Variants in PTPRN2 observed in about 807,000 individuals in gnomAD.
The protein encoded by PTPRN2 is protein tyrosine phosphatase receptor type N2.
Under a neutral mutation model 118.8 loss-of-function variants are expected in PTPRN2, and 74 were observed. The observed-to-expected ratio is 0.62, with a 90% CI of 0.52 to 0.76. The LOEUF (loss-of-function observed/expected upper bound fraction) is 0.76, where lower values mean the gene tolerates loss of function less well. PTPRN2 is among the 30% of genes least tolerant of loss of function. PTPRN2 has a pLI of 0.00. For synonymous variants in PTPRN2, 641 were observed against 608.0 expected (o/e 1.05, Z -0.80); for missense variants, 1,481 against 1,394.4 (o/e 1.06, Z -0.99).
At chr7:158,332,053 G>A (rs1399578941) in intron 2 of PTPRN2, among the ~76,000 whole-genome samples, 1 of 147,566 alleles carries the variant, frequency 6.8e-6, no homozygotes, top group African/African-American at 2.6e-5. Flanking sequence ...ACGATAAGAG[G>A]TGACATCTGC....
intron 17 of PTPRN2, among the ~76,000 whole-genome samples, chr7:157,580,176 C>A (rs1800269937): frequency 6.6e-6 from 1 of 152,154 alleles, no homozygotes; most frequent in South Asian, 2.1e-4. Context: ...AATGTGACCT[C>A]ATTTGGATAC....
At chr7:157,605,460 C>T (rs1319207134) in intron 15 of PTPRN2, among the ~76,000 whole-genome samples, 1 of 152,242 alleles carries the variant, frequency 6.6e-6, no homozygotes, top group East Asian at 1.9e-4. Flanking sequence ...TCCTTCTCTT[C>T]ACCCACAGTG....
At chr7:158,074,375 G>A (rs1281925907) in intron 11 of PTPRN2, among the ~76,000 whole-genome samples, 1 of 152,186 alleles carries the variant, frequency 6.6e-6, no homozygotes, top group East Asian at 1.9e-4. Context: ...GATTCACTGT[G>A]TTTCTAACAG....
At position 158,541,747 on chromosome 7, in the gene PTPRN2, C is replaced by T. The variant is rs1057432244; in HGVS notation, c.112+45811G>A. On this transcript the variant is annotated intron_variant, in intron 1 of 22. Coordinates refer to ENST00000389418, the MANE Select transcript of PTPRN2 (RefSeq NM_002847.5). ...GCTTAAAGCTTGCCGCAGCTCAGAA[C>T]CCAAAAGGGCTGCGGACGCATAAAA... 8.4e-6 allele frequency: 10 copies of T among 1,196,746 alleles called. No homozygotes were observed. The African/African-American group carries it at 1.3e-4, about 15-fold the overall frequency. 74.1% of individuals were successfully genotyped at this position (1,196,746 alleles called of 1,614,324 possible).
chr7:157,858,178 C>CCCG (rs1809911735), intron 12 of PTPRN2, among the ~76,000 whole-genome samples: 2 of 22,672 alleles, frequency 8.8e-5, no homozygotes, highest in African/African-American at 4.6e-4. Context: ...CAGGGAGAGC[C>CCCG]TCCCAGCCAC....
At chr7:157,631,323 G>A (rs1394131601) in intron 14 of PTPRN2, among the ~76,000 whole-genome samples, 13 of 152,246 alleles carry the variant, frequency 8.5e-5, no homozygotes, top group African/African-American at 2.2e-4. Flanking sequence ...GGAACAAAGC[G>A]TAGAAGGGGA....
intron 12 of PTPRN2, among the ~76,000 whole-genome samples, chr7:157,835,290 G>C (rs1410685293): frequency 1.3e-5 from 2 of 152,128 alleles, no homozygotes; most frequent in South Asian, 2.1e-4. Flanking sequence ...GGGAAAAACA[G>C]GGTGTCATAA....
At chr7:158,089,619 G>A (rs1417408148) in intron 10 of PTPRN2, among the ~76,000 whole-genome samples, 6 of 124,450 alleles carry the variant, frequency 4.8e-5, no homozygotes, top group Admixed American at 7.8e-5. Flanking sequence ...TGATGAAAGA[G>A]GGAGTCTTCA....
At chr7:158,013,496 C>G (rs1184847256) in intron 11 of PTPRN2, among the ~76,000 whole-genome samples, 1 of 151,856 alleles carries the variant, frequency 6.6e-6, no homozygotes, top group Non-Finnish European at 1.5e-5. Context: ...ATCTATCCAT[C>G]CTCCAATTCA....
rs1563205636 is a variant in PTPRN2 at position 158,366,084 on chromosome 7, CACACACACACA to C, written c.164-49163_164-49153del. ...CAATGCACGCGTGCACACACACACG[CACACACACACA>C]GCATCCCTAGAAGCTGCAGCCCAAT... On this transcript the variant is annotated intron_variant, in intron 2 of 22. Coordinates refer to ENST00000389418, the MANE Select transcript of PTPRN2 (RefSeq NM_002847.5). Among the ~76,000 whole-genome samples the C allele has an allele frequency of 1.6e-4, 23 of 143,688 alleles. 2 individuals are homozygous for C. The highest frequency in any genetic ancestry group is 2.1e-4 in the Admixed American group (3 of 14,486). 94.3% of individuals were successfully genotyped at this position (143,688 alleles called of 152,430 possible).
At chr7:157,722,003 G>A (rs1028130918) in intron 12 of PTPRN2, among the ~76,000 whole-genome samples, 2 of 152,166 alleles carry the variant, frequency 1.3e-5, no homozygotes, top group Non-Finnish European at 2.9e-5. Flanking sequence ...TGTGGTGCTC[G>A]GCCGCAAAAG....
intron 11 of PTPRN2, among the ~76,000 whole-genome samples, chr7:158,059,722 C>T (rs1177328698): frequency 1.8e-5 from 2 of 111,048 alleles, no homozygotes; most frequent in Non-Finnish European, 3.8e-5. Context: ...TCCATCTGCC[C>T]ACGGTGACGC....
chr7:157,885,477 G>A (rs1472069618), intron 12 of PTPRN2, among the ~76,000 whole-genome samples: 2 of 152,186 alleles, frequency 1.3e-5, no homozygotes, highest in Non-Finnish European at 2.9e-5. Flanking sequence ...GTCCCTGAAG[G>A]GGATGCAGAT....
At chr7:158,499,719 C>T (rs927795052) in intron 1 of PTPRN2, among the ~76,000 whole-genome samples, 5 of 151,634 alleles carry the variant, frequency 3.3e-5, no homozygotes, top group African/African-American at 7.3e-5. Context: ...TTCAGTGAGC[C>T]AAGAATGTGC....
At chr7:158,462,532 G>T (rs1442077209) in intron 2 of PTPRN2, among the ~76,000 whole-genome samples, 3 of 152,222 alleles carry the variant, frequency 2.0e-5, no homozygotes, top group Non-Finnish European at 4.4e-5. Context: ...CCATGAAAAT[G>T]GTGGTAGAGA....
chr7:158,113,064 T>C (rs1245880090), intron 9 of PTPRN2, among the ~76,000 whole-genome samples: 1 of 150,942 alleles, frequency 6.6e-6, no homozygotes, highest in Non-Finnish European at 1.5e-5. Flanking sequence ...CCCCAACATT[T>C]AGGGCAATGA....
At chr7:157,985,874 G>A (rs111226948) in intron 11 of PTPRN2, among the ~76,000 whole-genome samples, 2,239 of 152,112 alleles carry the variant, frequency 0.015, 60 homozygotes, top group African/African-American at 0.052. Flanking sequence ...AGATGCCACC[G>A]CGTGTGAAAT....
intron 12 of PTPRN2, among the ~76,000 whole-genome samples, chr7:157,849,383 G>A (rs56177523): frequency 0.12 from 18,001 of 152,142 alleles, 1,420 homozygotes; most frequent in East Asian, 0.33. Flanking sequence ...GTGGGTGTGC[G>A]TCCTCTCAGG....
chr7:157,542,777 C>T (rs1358370060), intron 22 of PTPRN2, among the ~76,000 whole-genome samples: 2 of 152,210 alleles, frequency 1.3e-5, no homozygotes, highest in Admixed American at 6.5e-5. Flanking sequence ...CTCCACCGGG[C>T]GTGTGGGCTG....
Sources: gnomAD v4.1 joint callset for allele counts (sites outside exome capture counted in the v4.1 genomes callset) on GRCh38, gnomAD v4.1.1 for gene constraint, MANE v1.5 for transcripts, NCBI Gene and HGNC (gene_info 2026-07-23, HGNC 2026-07-21) for gene names.